ARAP2: variants seen among roughly 807,000 people sequenced by gnomAD.
ARAP2 encodes the protein arf-GAP with Rho-GAP domain, ANK repeat and PH domain-containing protein 2.
A neutral mutation model predicts 194.5 loss-of-function variants in ARAP2; 148 were observed. The ratio of observed to expected loss-of-function variants is 0.76; its 90% CI spans 0.67 to 0.87. The LOEUF (loss-of-function observed/expected upper bound fraction) is 0.87. Ranked by LOEUF, ARAP2 falls within the 40% of genes least tolerant of loss-of-function variation. The pLI is 0.00. For missense variants in ARAP2, 2,128 were observed against 1,989.7 expected, an observed-to-expected ratio of 1.07 and a Z score of -1.32; for synonymous variants, 695 against 683.5, an observed-to-expected ratio of 1.02 and a Z score of -0.26.
At chr4:36,242,964 T>C (rs903775441) in intron 1 of ARAP2, among the ~76,000 whole-genome samples, 11 of 152,196 alleles carry the variant, frequency 7.2e-5, no homozygotes, top group African/African-American at 2.7e-4. Flanking sequence ...AGGAAGATAT[T>C]TGCACTTAAC....
At chr4:36,168,786 C>T (rs747388160) in intron 9 of ARAP2, among the ~76,000 whole-genome samples, 3 of 152,066 alleles carry the variant, frequency 2.0e-5, no homozygotes, top group Non-Finnish European at 4.4e-5. Flanking sequence ...CAGAGAAATG[C>T]TGAGTGCTGT....
chr4:36,071,991 C>T (rs1727092258), intron 32 of ARAP2, among the ~76,000 whole-genome samples: 1 of 151,624 alleles, frequency 6.6e-6, no homozygotes, highest in Non-Finnish European at 1.5e-5. Context: ...TTTTAACTCA[C>T]TTTTCATTTT....
chr4:36,114,253 T>C lies in ARAP2; in HGVS notation c.4073A>G (p.Asn1358Ser). ...AATATTTTTTATCGCTAATATATCA[T>C]TAGTTAATTCTTCTGCTTCCATCAC... ...SPVMEAEELTNDILAIKNIIP... is the reference protein window; with the variant it reads ...SPVMEAEELTSDILAIKNIIP... Residue 1358 changes from asparagine (N) to serine (S), a missense_variant, in exon 26 of 33, where the codon AAT becomes AGT. By Grantham distance (46) the Asn-to-Ser change is conservative (BLOSUM62 1). Transcript: ENST00000303965. 6.3e-7 allele frequency: 1 copy of C among 1,597,292 alleles called. No homozygotes were observed.
chr4:36,150,602 C>T (rs1219291953), intron 16 of ARAP2, among the ~76,000 whole-genome samples: 1 of 151,630 alleles, frequency 6.6e-6, no homozygotes, highest in African/African-American at 2.4e-5. Context: ...AGATCGCCTA[C>T]TGCACTCCAG....
intron 5 of ARAP2, among the ~76,000 whole-genome samples, chr4:36,028,703 A>G (rs973239007): frequency 6.6e-6 from 1 of 151,390 alleles, no homozygotes; most frequent in African/African-American, 2.4e-5. Context: ...TTTTTCTTAA[A>G]ACCTTGTATT....
rs559675199 is a variant in ARAP2, at chr4:36,096,827, A to G, written c.4286-4807T>C. Among the ~76,000 whole-genome samples, 5 of 152,304 alleles carry G rather than the reference A, an allele frequency of 3.3e-5. No homozygotes were observed. The East Asian group carries it at 9.7e-4, about 29-fold the overall frequency. On this transcript the variant is annotated intron_variant, in intron 27 of 32. Coordinates refer to ENST00000303965, the MANE Select transcript of ARAP2 (RefSeq NM_015230.4). ...GATTTTTATAGCTAAGAAGTAGAGT[A>G]AGCAATTTGTTAAACATTGTATGGA...
Position 36,102,247 on chromosome 4 carries a change from C to A in ARAP2, c.4285+5318G>T, listed in dbSNP as rs574202939. Reference sequence around the variant, plus strand: ...CCAAAACTGAATTCTGTGGCTCCATCCATCACTCCCAACCAGCAAGCTCTT... The same window carrying A: ...CCAAAACTGAATTCTGTGGCTCCATACATCACTCCCAACCAGCAAGCTCTT... On this transcript the variant is annotated intron_variant, in intron 27 of 32. Coordinates refer to ENST00000303965, the MANE Select transcript of ARAP2 (RefSeq NM_015230.4). Among the ~76,000 whole-genome samples the A allele has an allele frequency of 7.2e-5, 11 of 152,072 alleles. No homozygotes were observed. In the East Asian group the frequency reaches 1.4e-3, roughly 19 times the overall value.
At chr4:36,210,984 T>C (rs1002947679) in intron 5 of ARAP2, among the ~76,000 whole-genome samples, 1 of 152,172 alleles carries the variant, frequency 6.6e-6, no homozygotes. Flanking sequence ...TTTAATCTTA[T>C]CCCTTTTATT....
At chr4:36,076,877 T>C (rs1333247632) in intron 31 of ARAP2, among the ~76,000 whole-genome samples, 1 of 152,146 alleles carries the variant, frequency 6.6e-6, no homozygotes, top group Non-Finnish European at 1.5e-5. Context: ...TCTCTGATGA[T>C]CCCACTTACA....
Position 36,011,865 on chromosome 4 carries a change from T to C in ARAP2, n.1325+698A>G, listed in dbSNP as rs75547128. On this transcript the variant is annotated intron_variant and non_coding_transcript_variant, in intron 9 of 12. Transcript: ENST00000503225. ...TGCTGTCTTCACAGGGAAAAAGATA[T>C]GGATATCAGCTTTAGAATAGTTCCT... 2.9e-3 allele frequency among the ~76,000 whole-genome samples: 438 copies of C among 152,248 alleles called. 1 individual carries two copies. The highest frequency in any genetic ancestry group is 9.8e-3 in the African/African-American group (408 of 41,538).
At chr4:36,163,258 G>GA (rs924451510) in intron 11 of ARAP2, among the ~76,000 whole-genome samples, 26 of 150,378 alleles carry the variant, frequency 1.7e-4, no homozygotes, top group East Asian at 3.9e-4. Context: ...AAAAATACTG[G>GA]AAAAAAAAAG....
At chr4:36,154,491 A>G (rs1464898448) in intron 15 of ARAP2, among the ~76,000 whole-genome samples, 1 of 152,218 alleles carries the variant, frequency 6.6e-6, no homozygotes, top group Non-Finnish European at 1.5e-5. Context: ...TCAAGGTAAG[A>G]TATCAAGGGA....
chr4:36,196,237 T>A (rs1313935166), intron 6 of ARAP2, among the ~76,000 whole-genome samples: 1 of 152,218 alleles, frequency 6.6e-6, no homozygotes, highest in Non-Finnish European at 1.5e-5. Context: ...TCCATCACCA[T>A]CTTGATAGAC....
chr4:36,115,397 G>A (rs1261300353), intron 25 of ARAP2, among the ~76,000 whole-genome samples: 1 of 151,970 alleles, frequency 6.6e-6, no homozygotes, highest in Admixed American at 6.6e-5. Flanking sequence ...TGATATGCAT[G>A]AACAAACAAT....
intron 31 of ARAP2, among the ~76,000 whole-genome samples, chr4:36,076,622 C>T (rs1728314680): frequency 1.3e-5 from 2 of 151,810 alleles, no homozygotes; most frequent in South Asian, 4.2e-4. Context: ...CTCCTCCATG[C>T]TTCCCTCTCC....
chr4:36,015,298 T>C (rs1380559321), intron 8 of ARAP2: 1 of 152,210 alleles, frequency 6.6e-6, no homozygotes, highest in African/African-American at 2.4e-5. Flanking sequence ...AAGTTAAATG[T>C]CTAACAACAT....
chr4:36,210,670 T>G lies in ARAP2; in HGVS notation c.1207A>C (p.Asn403His). Residue 403 changes from asparagine (N) to histidine (H), a missense_variant, in exon 6 of 33, where the codon AAC becomes CAC. Physicochemically the swap from Asn to His is moderately conservative, Grantham distance 68. Transcript: ENST00000303965. ...EDIWIPREDK[N>H]NFLIDTASES... ...GAAGCAGTGTCTATCAAAAAATTGT[T>G]TTTGTCCTCTCGAGGTATCCAAATA... 6.2e-7 allele frequency: 1 copy of G among 1,613,662 alleles called. No individual in the cohort carries two copies. Among genetic ancestry groups the G allele is most frequent in the Non-Finnish European group, 8.5e-7 (1 of 1,179,842 alleles).
chr4:36,189,508 G>A (rs139358795), intron 7 of ARAP2, among the ~76,000 whole-genome samples: 4 of 151,962 alleles, frequency 2.6e-5, no homozygotes, highest in East Asian at 1.9e-4. Flanking sequence ...GACTTATTCC[G>A]CCTCTCTAGC....
chr4:36,144,874 A>G (rs1397171701), intron 19 of ARAP2, among the ~76,000 whole-genome samples: 13 of 151,892 alleles, frequency 8.6e-5, no homozygotes. Flanking sequence ...CTACATATAT[A>G]AAGACGACAC....
Sources: gnomAD v4.1 joint callset for allele counts (sites outside exome capture counted in the v4.1 genomes callset) on GRCh38, gnomAD v4.1.1 for gene constraint, MANE v1.5 for transcripts, NCBI Gene and HGNC (gene_info 2026-07-23, HGNC 2026-07-21) for gene names.